UROC1: variants seen among roughly 807,000 people sequenced by gnomAD.
The protein encoded by UROC1 is urocanate hydratase.
Under a neutral mutation model 89.5 loss-of-function variants are expected in UROC1, and 79 were observed. That is an observed-to-expected ratio of 0.88 (90% CI 0.74 to 1.06). The LOEUF is 1.06. UROC1 is among the 50% of genes least tolerant of loss of function. The pLI is 0.00. For synonymous variants in UROC1, 361 were observed against 354.8 expected, an observed-to-expected ratio of 1.02 and a Z score of -0.20; for missense variants, 885 against 907.8, an observed-to-expected ratio of 0.97 and a Z score of 0.32.
chr3:126,501,170 C>T (rs755949494), intron 10 of UROC1, 48 bp downstream of exon 10: 15 of 1,600,204 alleles, frequency 9.4e-6, no homozygotes, highest in South Asian at 8.8e-5. Flanking sequence ...GCTCAGGGGG[C>T]CCCATCTGGG....
intron 14 of UROC1, among the ~76,000 whole-genome samples, chr3:126,496,929 T>TA (rs1935790522): frequency 6.6e-6 from 1 of 152,080 alleles, no homozygotes; most frequent in African/African-American, 2.4e-5. Flanking sequence ...CCTGGAGTCT[T>TA]TACTCCAGGG....
At chr3:126,495,374 G>C (rs1935753275) in intron 15 of UROC1, among the ~76,000 whole-genome samples, 1 of 152,080 alleles carries the variant, frequency 6.6e-6, no homozygotes. Context: ...CTGCTCTAGG[G>C]ACCTCATAGA....
At chr3:126,483,684 CCT>C (rs1424595239) in intron 18 of UROC1, among the ~76,000 whole-genome samples, 1 of 152,228 alleles carries the variant, frequency 6.6e-6, no homozygotes, top group Non-Finnish European at 1.5e-5. Flanking sequence ...ACTTGTGCCC[CCT>C]GTGCTGGGCC....
At position 126,506,000 on chromosome 3, in the gene UROC1, A is replaced by G. The variant is rs1936049691; in HGVS notation, c.614T>C (p.Met205Thr). The part of the protein sequence containing the change: ...FALGVTMYGQ[M>T]TAGSYCYIGP... ...GATGTAGCAGTAGCTACCTGCTGTC[A>G]TCTGGCCGTACCTGACCACAGGGAG... Residue 205 changes from methionine (M) to threonine (T), a missense_variant, in exon 7 of 20, where the codon ATG (methionine) becomes ACG (threonine). Transcript: ENST00000290868. 1 of 1,613,458 alleles carries G rather than the reference A, an allele frequency of 6.2e-7. No homozygotes were observed. Among genetic ancestry groups the G allele is most frequent in the South Asian group, 1.1e-5 (1 of 91,076 alleles).
chr3:126,504,645 C>A (rs900541551), intron 8 of UROC1, among the ~76,000 whole-genome samples: 2 of 152,200 alleles, frequency 1.3e-5, no homozygotes, highest in Non-Finnish European at 2.9e-5. Flanking sequence ...TTTACACAAG[C>A]CGCTGTAGGT....
chr3:126,517,414 G>A (rs1053419871), intron 1 of UROC1, among the ~76,000 whole-genome samples, 180 bp downstream of exon 1: 19 of 152,114 alleles, frequency 1.2e-4, no homozygotes, highest in Non-Finnish European at 1.8e-4. Context: ...ACCCAAGGGC[G>A]GCTGCATCCA....
intron 9 of UROC1, among the ~76,000 whole-genome samples, chr3:126,503,193 G>C (rs925643796): frequency 6.6e-6 from 1 of 152,192 alleles, no homozygotes. Flanking sequence ...GGTGCAATGT[G>C]GTTGGATTGG....
chr3:126,505,447 G>C (rs544756053), intron 8 of UROC1, among the ~76,000 whole-genome samples: 1 of 152,312 alleles, frequency 6.6e-6, no homozygotes, highest in African/African-American at 2.4e-5. Context: ...TTTGTGGTCA[G>C]AGTTTTGTGG....
chr3:126,502,911 T>C (rs1300066417), intron 9 of UROC1, among the ~76,000 whole-genome samples: 2 of 151,910 alleles, frequency 1.3e-5, no homozygotes, highest in African/African-American at 4.8e-5. Context: ...ATTCTCTGTG[T>C]ATGTATGTGC....
intron 15 of UROC1, among the ~76,000 whole-genome samples, chr3:126,492,908 C>T (rs373132724): frequency 1.3e-5 from 2 of 152,230 alleles, no homozygotes; most frequent in East Asian, 1.9e-4. Context: ...GGCAAGTTTG[C>T]GTTGGGCCTG....
chr3:126,510,920 C>A, intron 1 of UROC1, 126 bp from the exon 2 acceptor site: 1 of 1,406,522 alleles, frequency 7.1e-7, no homozygotes, highest in South Asian at 1.4e-5. Flanking sequence ...CTGTTGCCCA[C>A]CCAGAGACTG....
chr3:126,512,130 C>T (rs1336465123), intron 1 of UROC1, among the ~76,000 whole-genome samples: 1 of 152,220 alleles, frequency 6.6e-6, no homozygotes, highest in African/African-American at 2.4e-5. Context: ...CTGGAGGCAG[C>T]TCTCCACATT....
intron 4 of UROC1, 60 bp from the exon 5 acceptor site, chr3:126,508,155 C>T: frequency 6.2e-7 from 1 of 1,611,942 alleles, no homozygotes; most frequent in Non-Finnish European, 8.5e-7. Context: ...ACACCCAGCC[C>T]CACACCACCG....
intron 7 of UROC1, 25 bp from the exon 8 acceptor site, chr3:126,505,869 C>A (rs760154027): frequency 6.2e-7 from 1 of 1,612,650 alleles, no homozygotes; most frequent in Non-Finnish European, 8.5e-7. Context: ...GGTGGGGGCT[C>A]ACTGCCCACT....
chr3:126,511,545 T>G (rs777488), intron 1 of UROC1, among the ~76,000 whole-genome samples: 2 of 152,104 alleles, frequency 1.3e-5, no homozygotes, highest in East Asian at 3.9e-4. Flanking sequence ...CAAGGAGGAC[T>G]TCTTTCATAA....
At chr3:126,506,074 C>A in intron 6 of UROC1, 63 bp from the exon 7 acceptor site, 2 of 1,595,630 alleles carry the variant, frequency 1.3e-6, no homozygotes, top group Non-Finnish European at 1.7e-6. Context: ...GTCCTCCCAG[C>A]CACTCCTTTT....
chr3:126,508,793 G>C (rs72979995), intron 3 of UROC1, among the ~76,000 whole-genome samples: 7 of 152,084 alleles, frequency 4.6e-5, no homozygotes, highest in Non-Finnish European at 8.8e-5. Context: ...CCTACTAGGC[G>C]AAGTGGTCAC....
chr3:126,500,783 C>T lies in UROC1; in HGVS notation c.1057G>A (p.Gly353Ser), dbSNP rs778206383. The change falls in exon 11 of 20, where the codon GGC becomes AGC. Residue 353 changes from glycine to serine, a missense_variant. Transcript: ENST00000290868. Reference protein sequence around the residue: ...QTSCHNPFNGGYYPVQLSFTE... With the variant: ...QTSCHNPFNGSYYPVQLSFTE... ...AAGCTGAGCTGCACAGGGTAGTAGC[C>T]GCCATTGAACGGGTTGTGGCAGGAT... 69 of 1,613,986 alleles carry T rather than the reference C, an allele frequency of 4.3e-5. No homozygotes were observed. Among genetic ancestry groups the T allele is most frequent in the Non-Finnish European group, 4.7e-5 (56 of 1,180,036 alleles).
At chr3:126,483,162 C>T (rs943721418) in intron 19 of UROC1, among the ~76,000 whole-genome samples, 1 of 152,210 alleles carries the variant, frequency 6.6e-6, no homozygotes, top group Non-Finnish European at 1.5e-5. Context: ...TCCCCTCATT[C>T]TCTGGGTCCC....
Sources: allele counts gnomAD v4.1 joint callset (sites outside exome capture counted in the v4.1 genomes callset), GRCh38; gene constraint gnomAD v4.1.1; transcripts MANE v1.5; gene names NCBI Gene and HGNC (gene_info 2026-07-23, HGNC 2026-07-21).